Variants in RELL1 observed in about 807,000 individuals in gnomAD.
The protein encoded by RELL1 is RELT like 1.
RELL1 carries 10 observed loss-of-function variants against 23.0 expected under a neutral mutation model. That is an observed-to-expected ratio of 0.43 (90% CI 0.27 to 0.74). RELL1 has a LOEUF of 0.74. Ranked by LOEUF, RELL1 falls within the 30% of genes least tolerant of loss-of-function variation. The pLI is 0.19. For missense variants in RELL1, 315 were observed against 364.4 expected (o/e 0.86, Z 1.10); for synonymous variants, 146 against 146.8 (o/e 0.99, Z 0.04).
rs771333861 is a variant in RELL1, at chr4:37,656,139, C to T, written c.89-6639G>A. On this transcript the variant is annotated intron_variant, in intron 1 of 6. Transcript: ENST00000454158. ...TCGATAGACAAAGGGATAAAGAAAT[C>T]GTGGCATATGAAAATGGAATATTAT... 8.5e-5 allele frequency among the ~76,000 whole-genome samples: 13 copies of T among 152,174 alleles called. No homozygotes were observed. In the South Asian group the frequency reaches 1.0e-3, roughly 12 times the overall value.
chr4:37,660,795 G>A (rs1721304766), intron 1 of RELL1, among the ~76,000 whole-genome samples: 1 of 152,156 alleles, frequency 6.6e-6, no homozygotes, highest in Non-Finnish European at 1.5e-5. Context: ...ACTTTGGGAG[G>A]CCAAGGCGGG....
At chr4:37,666,011 G>C (rs977428233) in intron 1 of RELL1, among the ~76,000 whole-genome samples, 1 of 152,200 alleles carries the variant, frequency 6.6e-6, no homozygotes, top group Non-Finnish European at 1.5e-5. Flanking sequence ...GGGAGAAAGA[G>C]AGATGGTGAC....
Position 37,599,432 on chromosome 4 carries a change from A to G in RELL1, c.*4-8215T>C, listed in dbSNP as rs566464663. Among the ~76,000 whole-genome samples the G allele has an allele frequency of 2.6e-5, 4 of 152,256 alleles. No homozygotes were observed. The South Asian group carries it at 8.3e-4, about 32-fold the overall frequency. ...GTGAAGTCATGGGACAGGGTGATGA[A>G]GAAACTGTATTCTCATGCTGATCCC... On this transcript the variant is annotated intron_variant, in intron 6 of 6. Coordinates refer to the RELL1 transcript ENST00000314117.
exon 7 of RELL1, chr4:37,591,105 A>G: frequency 1.1e-6 from 1 of 917,790 alleles, no homozygotes; most frequent in Non-Finnish European, 1.6e-6. Context: ...GCACCAGTGC[A>G]GCCTTACCAG....
At chr4:37,634,766 C>T in intron 5 of RELL1, 121 bp downstream of exon 5, 1 of 869,532 alleles carries the variant, frequency 1.2e-6, no homozygotes, top group South Asian at 1.5e-5. Context: ...ATCTAAAAAG[C>T]CCAGAGATAT....
At chr4:37,599,482 A>G (rs1339658566) in intron 6 of RELL1, among the ~76,000 whole-genome samples, 1 of 152,236 alleles carries the variant, frequency 6.6e-6, no homozygotes, top group Non-Finnish European at 1.5e-5. Flanking sequence ...GTTGGCTGTC[A>G]GCTGTTTCAC....
downstream of RELL1, among the ~76,000 whole-genome samples, chr4:37,605,852 GA>G (rs766479009): frequency 1.8e-4 from 19 of 106,304 alleles, no homozygotes; most frequent in Middle Eastern, 5.3e-3. Context: ...AGAAGGAAAA[GA>G]AAAGAAAAGA....
rs948627074 is a variant in RELL1 at position 37,612,766 on chromosome 4, T to C, written c.*580A>G. The C allele has an allele frequency of 2.0e-5, 3 of 152,116 alleles. No individual in the cohort carries two copies. The highest frequency in any genetic ancestry group is 6.5e-5 in the Admixed American group (1 of 15,276). The allele number at this position is 152,116 out of a possible 1,614,324, so 9.4% of individuals were successfully genotyped here. On this transcript the variant is annotated 3_prime_UTR_variant, in exon 7 of 7. Transcript: ENST00000454158. ...TAGCATCTGGTCCCATCTGACTCCA[T>C]GGTCCCTTGGGGAATCAACTCCTCA...
chr4:37,670,871 C>T (rs1007444534), intron 1 of RELL1, among the ~76,000 whole-genome samples: 1 of 152,174 alleles, frequency 6.6e-6, no homozygotes, highest in Non-Finnish European at 1.5e-5. Flanking sequence ...CGCACCCGGC[C>T]GCCCCACTAA....
chr4:37,588,902 A>T (rs1718448618), downstream of RELL1: 2 of 1,610,624 alleles, frequency 1.2e-6, no homozygotes, highest in Non-Finnish European at 1.7e-6. Flanking sequence ...ATACAAAGGT[A>T]AAGCTGGAGA....
At chr4:37,591,125 T>A (rs1560316268) in exon 7 of RELL1, 2 of 751,372 alleles carry the variant, frequency 2.7e-6, no homozygotes, top group East Asian at 5.2e-5. Flanking sequence ...GTTGTTTACA[T>A]CCAGCATCTG....
At chr4:37,634,003 C>T (rs1720231028) in intron 5 of RELL1, among the ~76,000 whole-genome samples, 1 of 152,250 alleles carries the variant, frequency 6.6e-6, no homozygotes, top group Non-Finnish European at 1.5e-5. Context: ...CTCACTCCAG[C>T]ATGTGTGTTC....
At chr4:37,647,681 C>T (rs1050455796) in intron 2 of RELL1, among the ~76,000 whole-genome samples, 6 of 152,160 alleles carry the variant, frequency 3.9e-5, no homozygotes, top group Non-Finnish European at 5.9e-5. Flanking sequence ...CTTTCCAAGA[C>T]AATAATTTGA....
At chr4:37,668,848 G>A (rs1408936654) in intron 1 of RELL1, among the ~76,000 whole-genome samples, 1 of 148,686 alleles carries the variant, frequency 6.7e-6, no homozygotes, top group South Asian at 2.1e-4. Context: ...CTGAGATGTG[G>A]GGAGCGCCTC....
intron 1 of RELL1, among the ~76,000 whole-genome samples, chr4:37,653,681 C>T (rs1721028741): frequency 6.6e-6 from 1 of 152,180 alleles, no homozygotes; most frequent in African/African-American, 2.4e-5. Context: ...CTTACATTTA[C>T]ACTCTACTCT....
chr4:37,608,486 C>T (rs544880321), downstream of RELL1, among the ~76,000 whole-genome samples: 8 of 152,230 alleles, frequency 5.3e-5, no homozygotes, highest in East Asian at 7.7e-4. Context: ...TCAAACCAGC[C>T]ACAACATTCC....
intron 6 of RELL1, among the ~76,000 whole-genome samples, chr4:37,626,543 A>G (rs1307412596): frequency 1.3e-5 from 2 of 152,126 alleles, no homozygotes; most frequent in Non-Finnish European, 2.9e-5. Context: ...CTCAGTACAT[A>G]TCCAGAGGTA....
intron 1 of RELL1, among the ~76,000 whole-genome samples, chr4:37,656,692 G>C (rs948059387): frequency 6.6e-6 from 1 of 152,224 alleles, no homozygotes; most frequent in Non-Finnish European, 1.5e-5. Flanking sequence ...TGTTCTCACA[G>C]AAGTGAGTTA....
At chr4:37,621,474 T>A (rs1719764994) in intron 6 of RELL1, among the ~76,000 whole-genome samples, 2 of 151,510 alleles carry the variant, frequency 1.3e-5, no homozygotes, top group African/African-American at 2.4e-5. Context: ...ATAATAATAA[T>A]AAAATAAGGA....
Sources: allele counts gnomAD v4.1 joint callset (sites outside exome capture counted in the v4.1 genomes callset), GRCh38; gene constraint gnomAD v4.1.1; transcripts MANE v1.5; gene names NCBI Gene and HGNC (gene_info 2026-07-23, HGNC 2026-07-21).